The following EFL1 variants were observed in gnomAD, a reference collection of about 807,000 sequenced individuals.
EFL1 encodes elongation factor like GTPase 1, also known as elongation factor-like GTPase 1.
EFL1 carries 76 observed loss-of-function variants against 126.7 expected under a neutral mutation model. That is an observed-to-expected ratio of 0.60 (90% confidence interval 0.50 to 0.73). The LOEUF (loss-of-function observed/expected upper bound fraction) is 0.73, where lower values mean the gene tolerates loss of function less well. Among genes scored for constraint, EFL1 ranks in the 30% least tolerant of loss-of-function variants. The probability of loss-of-function intolerance (pLI) is 0.00; values close to 1 mark genes in which losing one functional copy is unlikely to be tolerated. For missense variants in EFL1, 1,128 were observed against 1,343.2 expected (o/e 0.84, Z 2.50); for synonymous variants, 410 against 448.4 (o/e 0.91, Z 1.08).
chr15:82,183,181 A>C (rs1019859019), intron 15 of EFL1, among the ~76,000 whole-genome samples: 1 of 152,228 alleles, frequency 6.6e-6, no homozygotes, highest in Non-Finnish European at 1.5e-5. Flanking sequence ...GGCAAAAAGT[A>C]CCAATGTCTC....
At position 82,214,796 on chromosome 15, in the gene EFL1, G is replaced by C; in HGVS notation, c.1671C>G (p.Tyr557Ter). 3 of 1,595,928 alleles carry C rather than the reference G, an allele frequency of 1.9e-6. No homozygotes were observed. Among genetic ancestry groups the C allele is most frequent in the Non-Finnish European group, 2.6e-6 (3 of 1,173,450 alleles). ...GAAGATACAGGTTTTCCAGAGCACA[G>C]TATGCCATGTGGGGGACTTGGGGGA... Reference protein sequence around the residue: ...DGLPQVPHMAYCALENLYLLM... With the variant: ...DGLPQVPHMA Residue 557 changes from tyrosine (Y) to a stop codon, truncating the protein, a stop_gained, in exon 15 of 20, where the codon TAC becomes TAG. Coordinates refer to ENST00000268206, the MANE Select transcript of EFL1 (RefSeq NM_024580.6). LOFTEE classifies it high-confidence loss of function.
rs369867070 is a variant in EFL1, at chr15:82,151,927, A to T, written c.2527T>A (p.Phe843Ile). The change falls in exon 18 of 20, where the codon TTT becomes ATT. Residue 843 changes from phenylalanine (F) to isoleucine (I), a missense_variant. Physicochemically the swap from Phe to Ile is conservative, Grantham distance 21. This residue lies in a region of EFL1 where 561 missense variants were observed against 641.7 expected (regional missense o/e 0.87). Coordinates refer to ENST00000268206, the MANE Select transcript of EFL1 (RefSeq NM_024580.6). ...PNILVNKSED[F>I]QNSVWTGPAD... ...GGACCTGTCCATACTGAGTTCTGAA[A>T]ATCTTCACTTTTATTGACTAGTATG... 100 of 1,613,912 alleles carry T rather than the reference A, an allele frequency of 6.2e-5. No individual in the cohort carries two copies. Among genetic ancestry groups the T allele is most frequent in the Middle Eastern group, 3.3e-4 (2 of 6,084 alleles).
chr15:82,247,786 G>A (rs2074986500), intron 4 of EFL1, among the ~76,000 whole-genome samples: 1 of 152,082 alleles, frequency 6.6e-6, no homozygotes, highest in Non-Finnish European at 1.5e-5. Context: ...GAAAGAGGGT[G>A]TCAGAATCAC....
At chr15:82,253,647 G>A (rs543652205) in intron 3 of EFL1, among the ~76,000 whole-genome samples, 1 of 152,218 alleles carries the variant, frequency 6.6e-6, no homozygotes, top group Non-Finnish European at 1.5e-5. Context: ...GTCTCTAGAA[G>A]CAAGAGAAGT....
intron 15 of EFL1, among the ~76,000 whole-genome samples, chr15:82,194,735 G>T (rs1241025749): frequency 6.6e-6 from 1 of 152,134 alleles, no homozygotes; most frequent in Non-Finnish European, 1.5e-5. Context: ...ACGTTGTAAG[G>T]CCTCCCTAGT....
At chr15:82,240,276 T>C in intron 6 of EFL1, 142 bp downstream of exon 6, 1 of 751,602 alleles carries the variant, frequency 1.3e-6, no homozygotes, top group Non-Finnish European at 2.1e-6. Flanking sequence ...TTCTATTGCC[T>C]CTCTTGTAGA....
intron 18 of EFL1, among the ~76,000 whole-genome samples, chr15:82,148,377 CAA>C (rs547889990): frequency 5.4e-4 from 51 of 94,308 alleles, no homozygotes; most frequent in Admixed American, 7.5e-4. Flanking sequence ...GAATCCATCT[CAA>C]AAAAAAAAAA....
intron 15 of EFL1, among the ~76,000 whole-genome samples, chr15:82,177,261 A>G (rs2074204492): frequency 6.6e-6 from 1 of 152,254 alleles, no homozygotes; most frequent in African/African-American, 2.4e-5. Context: ...GACACAAATT[A>G]CATGGGTATT....
chr15:82,250,986 C>T (rs1345859147), intron 4 of EFL1, among the ~76,000 whole-genome samples: 7 of 152,002 alleles, frequency 4.6e-5, no homozygotes, highest in African/African-American at 1.4e-4. Context: ...CCGAGGCGGG[C>T]GGATCACCTG....
chr15:82,133,461 A>AAC (rs1224854039), intron 19 of EFL1, among the ~76,000 whole-genome samples: 1 of 152,210 alleles, frequency 6.6e-6, no homozygotes, highest in Admixed American at 6.5e-5. Context: ...AGTTTATCCA[A>AAC]ACATAAATTG....
intron 17 of EFL1, among the ~76,000 whole-genome samples, chr15:82,155,045 C>T (rs1253077878): frequency 6.6e-6 from 1 of 152,178 alleles, no homozygotes; most frequent in African/African-American, 2.4e-5. Flanking sequence ...GTGGCTTCTT[C>T]TGTTCAACAT....
rs988209392 is a variant in EFL1, at chr15:82,171,042, C to T, written c.1751-7058G>A. The stretch of plus-strand genomic sequence containing the variant: ...ATACGGCTTTACACAACCAGGAAAT[C>T]ATAACTGAATTCCTTCTACCTTTAA... On this transcript the variant is annotated intron_variant, in intron 15 of 19. Transcript: ENST00000268206. Among the ~76,000 whole-genome samples, 6 of 152,288 alleles carry T rather than the reference C, an allele frequency of 3.9e-5. No homozygotes were observed. In the Middle Eastern group the frequency reaches 0.01, roughly 259 times the overall value.
chr15:82,220,793 G>A (rs2074703853), intron 12 of EFL1, among the ~76,000 whole-genome samples: 1 of 151,902 alleles, frequency 6.6e-6, no homozygotes, highest in African/African-American at 2.4e-5. Context: ...GGGTGGGGGA[G>A]GTAATTAAGC....
intron 18 of EFL1, among the ~76,000 whole-genome samples, chr15:82,139,103 T>C (rs1367022712): frequency 1.3e-5 from 2 of 152,190 alleles, no homozygotes; most frequent in Non-Finnish European, 2.9e-5. Context: ...CAAAACAGCA[T>C]GAGAAGAAGA....
chr15:82,186,891 C>T (rs557801677), intron 15 of EFL1, among the ~76,000 whole-genome samples: 17 of 152,140 alleles, frequency 1.1e-4, no homozygotes, highest in African/African-American at 3.1e-4. Flanking sequence ...GACATCTCAG[C>T]GCCTCAATAA....
At position 82,225,162 on chromosome 15, in the gene EFL1, T is replaced by C. The variant is rs371945525; in HGVS notation, c.1292+3A>G. The stretch of plus-strand genomic sequence containing the variant: ...CCCAGCCCAACTTTCCCCTTTCCCT[T>C]ACCTTGGCTTATTCTGAGGCAAGGC... On this transcript the variant is annotated splice_donor_region_variant and intron_variant, in intron 12 of 19. Coordinates refer to ENST00000268206, the MANE Select transcript of EFL1 (RefSeq NM_024580.6). 1 of 1,601,894 alleles carries C rather than the reference T, an allele frequency of 6.2e-7. No individual in the cohort carries two copies. The highest frequency in any genetic ancestry group is 1.3e-5 in the African/African-American group (1 of 74,162).
chr15:82,171,024 T>C (rs1374409393), intron 15 of EFL1, among the ~76,000 whole-genome samples: 1 of 152,190 alleles, frequency 6.6e-6, no homozygotes, highest in African/African-American at 2.4e-5. Flanking sequence ...GAGATACGGC[T>C]TTACACAACC....
chr15:82,256,504 T>C (rs566930263), intron 3 of EFL1, among the ~76,000 whole-genome samples: 3 of 152,292 alleles, frequency 2.0e-5, no homozygotes, highest in East Asian at 1.9e-4. Context: ...TCCAGTACAA[T>C]CTAAAGTAGA....
In EFL1 at chr15:82,259,122, CTA is replaced by C; in HGVS notation, c.123_124del (p.Ser42GlnfsTer21). The C allele has an allele frequency of 6.2e-7, 1 of 1,613,974 alleles. No individual in the cohort carries two copies. Among genetic ancestry groups the C allele is most frequent in the Non-Finnish European group, 8.5e-7 (1 of 1,179,950 alleles). On this transcript the variant is annotated frameshift_variant, in exon 3 of 20. Coordinates refer to ENST00000268206, the MANE Select transcript of EFL1 (RefSeq NM_024580.6). LOFTEE classifies it high-confidence loss of function. The stretch of plus-strand genomic sequence containing the variant: ...TAGGCGGCTGGAGATGATTCCATTG[CTA>C]GATATAAGACAGTCAGCCAGAGTAG...
Sources: gnomAD v4.1 joint callset for allele counts (sites outside exome capture counted in the v4.1 genomes callset) on GRCh38, gnomAD v4.1.1 for gene constraint, gnomAD v4.1.1 regional missense constraint, MANE v1.5 for transcripts, NCBI Gene and HGNC (gene_info 2026-07-23, HGNC 2026-07-21) for gene names.